Variants in GFRA2 observed in about 807,000 individuals in gnomAD.
The protein encoded by GFRA2 is GDNF family receptor alpha-2.
Under a neutral mutation model 48.3 loss-of-function variants are expected in GFRA2, and 17 were observed. That is an observed-to-expected ratio of 0.35 (90% CI 0.24 to 0.53). The LOEUF is 0.53. GFRA2 is among the 20% of genes least tolerant of loss of function. The pLI is 0.93. For synonymous variants in GFRA2, 305 were observed against 257.2 expected (o/e 1.19, Z -1.78); for missense variants, 660 against 637.3 (o/e 1.04, Z -0.38).
intron 4 of GFRA2, among the ~76,000 whole-genome samples, chr8:21,724,420 T>A (rs1427951838): frequency 1.3e-5 from 2 of 152,142 alleles, no homozygotes; most frequent in African/African-American, 4.8e-5. Flanking sequence ...TATATGCCAA[T>A]CTGTGGCAGT....
At chr8:21,774,717 G>A (rs1413748583) in intron 3 of GFRA2, among the ~76,000 whole-genome samples, 1 of 152,194 alleles carries the variant, frequency 6.6e-6, no homozygotes, top group Non-Finnish European at 1.5e-5. Context: ...CCAGGTTCCA[G>A]ATTCAAGCCC....
intron 7 of GFRA2, among the ~76,000 whole-genome samples, chr8:21,698,122 C>G (rs966946671): frequency 1.3e-5 from 2 of 152,154 alleles, no homozygotes; most frequent in African/African-American, 4.8e-5. Context: ...GCTTCTCATC[C>G]CCTAGAGGCA....
chr8:21,708,917 T>C (rs1329859699), intron 4 of GFRA2, among the ~76,000 whole-genome samples: 3 of 152,368 alleles, frequency 2.0e-5, no homozygotes, highest in East Asian at 1.9e-4. Flanking sequence ...GGTACTTTGC[T>C]ACAGCGGCCC....
At chr8:21,789,719 G>A (rs1432637297), upstream of GFRA2, among the ~76,000 whole-genome samples, 2 of 151,736 alleles carry the variant, frequency 1.3e-5, no homozygotes, top group Non-Finnish European at 2.9e-5. Context: ...CGCCCGCGGC[G>A]CGCTTGCCTC....
chr8:21,778,439 G>A (rs1806816358), intron 2 of GFRA2, among the ~76,000 whole-genome samples: 1 of 152,146 alleles, frequency 6.6e-6, no homozygotes, highest in Admixed American at 6.5e-5. Context: ...AAAAAGTAAG[G>A]GTGTATTTTC....
intron 4 of GFRA2, among the ~76,000 whole-genome samples, chr8:21,742,958 G>A (rs112830629): frequency 2.3e-4 from 35 of 152,216 alleles, no homozygotes; most frequent in Non-Finnish European, 3.5e-4. Flanking sequence ...ACAGCAGGGT[G>A]AAGCATGAAT....
At chr8:21,695,888 T>A (rs2117319354) in intron 7 of GFRA2, among the ~76,000 whole-genome samples, 1 of 152,194 alleles carries the variant, frequency 6.6e-6, no homozygotes, top group East Asian at 1.9e-4. Flanking sequence ...CTTGTTGGAG[T>A]CTGTGCCTGT....
intron 4 of GFRA2, among the ~76,000 whole-genome samples, chr8:21,730,026 C>A (rs752425772): frequency 6.6e-6 from 1 of 151,802 alleles, no homozygotes; most frequent in Non-Finnish European, 1.5e-5. Context: ...GGGTGGACCT[C>A]GAGGGCCTCT....
At chr8:21,775,989 C>CTA (rs1554496500) in intron 2 of GFRA2, among the ~76,000 whole-genome samples, 1 of 126,402 alleles carries the variant, frequency 7.9e-6, no homozygotes, top group African/African-American at 3.1e-5. Flanking sequence ...CACTCATCCT[C>CTA]TGTGTGTGTG....
At chr8:21,713,341 G>A (rs533673579) in intron 4 of GFRA2, among the ~76,000 whole-genome samples, 28 of 152,010 alleles carry the variant, frequency 1.8e-4, no homozygotes, top group African/African-American at 5.8e-4. Context: ...GATTACAGGT[G>A]TGCGCCACCA....
In GFRA2 at chr8:21,738,376, G is replaced by A. The variant is rs185386290; in HGVS notation, c.794+12212C>T. On this transcript the variant is annotated intron_variant, in intron 4 of 8. Coordinates refer to ENST00000524240, the MANE Select transcript of GFRA2 (RefSeq NM_001495.5). ...CTCTGAAGGTCTCTGAGCACGTACC[G>A]TCTGCCCTCTGCCCTCTGCCTTGGT... Among the ~76,000 whole-genome samples, 575 of 151,308 alleles carry A rather than the reference G, an allele frequency of 3.8e-3. 2 individuals are homozygous for A. Among genetic ancestry groups the A allele is most frequent in the Non-Finnish European group, 6.2e-3 (423 of 67,856 alleles).
chr8:21,738,536 G>C (rs1585277945), intron 4 of GFRA2, among the ~76,000 whole-genome samples: 1 of 152,068 alleles, frequency 6.6e-6, no homozygotes, highest in African/African-American at 2.4e-5. Context: ...TCTATCTCTT[G>C]CTTAAAATAC....
At chr8:21,711,788 G>C (rs1213546505) in intron 4 of GFRA2, among the ~76,000 whole-genome samples, 1 of 151,664 alleles carries the variant, frequency 6.6e-6, no homozygotes, top group African/African-American at 2.4e-5. Flanking sequence ...ATAAACAAGT[G>C]AACAAAGGTC....
At chr8:21,713,364 T>G (rs34292056) in intron 4 of GFRA2, among the ~76,000 whole-genome samples, 2,721 of 151,702 alleles carry the variant, frequency 0.018, 40 homozygotes, top group Middle Eastern at 0.051. Context: ...CCTGGCTCGT[T>G]TTTGTATTTT....
chr8:21,787,273 A>AGGG (rs1585344097), intron 1 of GFRA2, among the ~76,000 whole-genome samples: 1,932 of 50,082 alleles, frequency 0.039, 17 homozygotes, highest in Admixed American at 0.047. Context: ...CGGGGGGGGC[A>AGGG]GTGGGGGGGG....
chr8:21,710,290 C>T (rs1802953560), intron 4 of GFRA2, among the ~76,000 whole-genome samples: 1 of 152,210 alleles, frequency 6.6e-6, no homozygotes, highest in African/African-American at 2.4e-5. Context: ...TGGCAGGCGC[C>T]CGATGGAGAC....
At chr8:21,702,733 T>C in intron 7 of GFRA2, 72 bp downstream of exon 7, 1 of 1,448,726 alleles carries the variant, frequency 6.9e-7, no homozygotes, top group Non-Finnish European at 9.2e-7. Context: ...CTCCCTGGCC[T>C]CAGCTGAGTC....
intron 4 of GFRA2, among the ~76,000 whole-genome samples, chr8:21,713,607 C>G (rs1043342567): frequency 1.3e-5 from 2 of 152,000 alleles, no homozygotes; most frequent in African/African-American, 2.4e-5. Flanking sequence ...TGCGTGGGTA[C>G]AGGTGGACTT....
chr8:21,791,655 AT>A (rs1807576448), upstream of GFRA2, among the ~76,000 whole-genome samples: 1 of 152,222 alleles, frequency 6.6e-6, no homozygotes, highest in Non-Finnish European at 1.5e-5. Flanking sequence ...TAAAATGGGG[AT>A]TAAAAAAGAT....
Sources: allele counts gnomAD v4.1 joint callset (sites outside exome capture counted in the v4.1 genomes callset), GRCh38; gene constraint gnomAD v4.1.1; transcripts MANE v1.5; gene names NCBI Gene and HGNC (gene_info 2026-07-23, HGNC 2026-07-21).